The following SNX33 variants were observed in gnomAD, a reference collection of about 807,000 sequenced individuals.
The protein encoded by SNX33 is sorting nexin-33.
In SNX33, 19 loss-of-function variants were observed where a neutral mutation model predicts 38.8. The observed-to-expected ratio is 0.49, with a 90% CI of 0.34 to 0.72. The LOEUF is 0.72. SNX33 is among the 30% of genes least tolerant of loss of function. The probability of loss-of-function intolerance (pLI) is 0.01; values close to 1 mark genes in which losing one functional copy is unlikely to be tolerated. For missense variants in SNX33, 641 were observed against 776.4 expected (o/e 0.83, Z 2.07); for synonymous variants, 246 against 289.7 (o/e 0.85, Z 1.53).
intron 1 of SNX33, among the ~76,000 whole-genome samples, chr15:75,652,213 GGGAA>G (rs1426758784): frequency 1.3e-5 from 2 of 152,302 alleles, no homozygotes; most frequent in East Asian, 3.9e-4. Flanking sequence ...GGGAGTGGGT[GGGAA>G]GGGACTCCTG....
intron 1 of SNX33, among the ~76,000 whole-genome samples, chr15:75,653,918 C>T: frequency 6.6e-6 from 1 of 151,852 alleles, no homozygotes. Context: ...ATAGTGAAAC[C>T]CTGTCTCTAC....
intron 1 of SNX33, among the ~76,000 whole-genome samples, chr15:75,653,073 C>T (rs115844521): frequency 6.6e-6 from 1 of 152,290 alleles, no homozygotes; most frequent in Middle Eastern, 3.4e-3. Context: ...AGAGATTTCT[C>T]CCCTCAGTCT....
chr15:75,650,046 A>C lies in SNX33; in HGVS notation c.944A>C (p.Asp315Ala). 2 of 1,612,028 alleles carry C rather than the reference A, an allele frequency of 1.2e-6. No homozygotes were observed. The highest frequency in any genetic ancestry group is 1.7e-6 in the Non-Finnish European group (2 of 1,179,098). ...KRKRRLILWMDHMTSHPVLSQ... is the reference protein window; with the variant it reads ...KRKRRLILWMAHMTSHPVLSQ... The stretch of plus-strand genomic sequence containing the variant: ...AAGCGGAGACTCATCCTCTGGATGG[A>C]CCACATGACCAGCCACCCTGTGCTC... The change falls in exon 1 of 2, where the codon GAC (aspartate) becomes GCC (alanine). Residue 315 changes from aspartate (D) to alanine (A), a missense_variant. Physicochemically the swap from Asp to Ala is moderately radical, Grantham distance 126 (BLOSUM62 -2). Around this residue, in one of 2 missense-constraint regions of SNX33, gnomAD observed 398 missense variants for 542.5 expected, o/e 0.73. Transcript: ENST00000308527. This position sits in a 1 kb window ranked among gnomAD's most constrained non-coding sequence, Gnocchi z 6.1.
intron 1 of SNX33, among the ~76,000 whole-genome samples, chr15:75,656,641 A>G (rs963050594): frequency 3.9e-5 from 6 of 152,158 alleles, no homozygotes; most frequent in Non-Finnish European, 8.8e-5. Flanking sequence ...TGTTCTGGGT[A>G]CCAGAGACAC....
chr15:75,651,931 T>A (rs1893585957), intron 1 of SNX33, among the ~76,000 whole-genome samples: 1 of 151,924 alleles, frequency 6.6e-6, no homozygotes, highest in Non-Finnish European at 1.5e-5. Flanking sequence ...TACCAAGAGG[T>A]TGACTTCTAT....
In SNX33 at chr15:75,648,715, G is replaced by T; in HGVS notation, c.-388G>T. The T allele has an allele frequency of 4.4e-6, 1 of 228,888 alleles. No homozygotes were observed. The highest frequency in any genetic ancestry group is 7.4e-6 in the Non-Finnish European group (1 of 135,508). 14.2% of individuals were successfully genotyped at this position (228,888 alleles called of 1,614,324 possible). ...TGAGTCTCTTCTATTTTAGAACGTT[G>T]TTCCAGTGGAAAGTGTCGAATTTTT... On this transcript the variant is annotated 5_prime_UTR_variant, in exon 1 of 2. Transcript: ENST00000308527. This position sits in a 1 kb window ranked among gnomAD's most constrained non-coding sequence, Gnocchi z 4.4.
In SNX33 at chr15:75,658,518, T is replaced by TG. The variant is rs1473766094; in HGVS notation, c.*1307dup. ...CAGGGTGTGGTCCAGCAGCTTGCTG[T>TG]GGGGTGCTGACATGTGTCACCACTG... On this transcript the variant is annotated 3_prime_UTR_variant, in exon 2 of 2. Transcript: ENST00000308527. This position sits in a 1 kb window ranked among gnomAD's most constrained non-coding sequence, Gnocchi z 4.1. 6.6e-6 allele frequency: 1 copy of TG among 152,662 alleles called. No individual in the cohort carries two copies. The highest frequency in any genetic ancestry group is 2.4e-5 in the African/African-American group (1 of 41,440). The allele number at this position is 152,662 out of a possible 1,614,324, so 9.5% of individuals were successfully genotyped here. A position where few individuals can be genotyped will look rare whatever the true frequency, so the allele number is the denominator to read the frequency against.
chr15:75,657,140 G>A lies in SNX33; in HGVS notation c.1650G>A (p.Leu550=), dbSNP rs1330461695. Residue 550 remains leucine (L), a synonymous_variant, in exon 2 of 2, where the codon TTG becomes TTA. Transcript: ENST00000308527. This position sits in a 1 kb window ranked among gnomAD's most constrained non-coding sequence, Gnocchi z 5.5. ...LDFKHMMQNY[L]RQQILFYQRV... is the part of the protein sequence containing the mutation. ...TCAAGCACATGATGCAGAACTACTT[G>A]CGCCAGCAGATCCTCTTCTACCAGC... 1.2e-6 allele frequency: 2 copies of A among 1,614,176 alleles called. No homozygotes were observed. Among genetic ancestry groups the A allele is most frequent in the Non-Finnish European group, 1.7e-6 (2 of 1,180,018 alleles).
chr15:75,654,097 TAAA>T (rs77714603), intron 1 of SNX33, among the ~76,000 whole-genome samples: 5 of 111,036 alleles, frequency 4.5e-5, no homozygotes, highest in African/African-American at 6.8e-5. Context: ...CATCTCAAAT[TAAA>T]AAAAAAAAAA....
In SNX33 at chr15:75,647,971, G is replaced by T. The variant is rs1893517764; in HGVS notation, c.-1132G>T. On this transcript the variant is annotated 5_prime_UTR_variant, in exon 1 of 2. Coordinates refer to ENST00000308527, the MANE Select transcript of SNX33 (RefSeq NM_153271.2). Reference sequence around the variant, plus strand: ...GAGCGGAGGGTCTGCGAGCGCCGGGGAAGGCAGGCTGGGGGCGCAGCCCGC... The same window carrying T: ...GAGCGGAGGGTCTGCGAGCGCCGGGTAAGGCAGGCTGGGGGCGCAGCCCGC... The T allele has an allele frequency of 1.0e-6, 1 of 985,464 alleles. No individual in the cohort carries two copies. The highest frequency in any genetic ancestry group is 1.2e-6 in the Non-Finnish European group (1 of 829,928). 61.0% of individuals were successfully genotyped at this position (985,464 alleles called of 1,614,324 possible). A position where few individuals can be genotyped will look rare whatever the true frequency, so the allele number is the denominator to read the frequency against.
intron 1 of SNX33, among the ~76,000 whole-genome samples, chr15:75,653,310 C>T (rs1017321339): frequency 3.3e-5 from 5 of 152,156 alleles, no homozygotes; most frequent in Non-Finnish European, 7.3e-5. Context: ...ATATAATTAA[C>T]CAGGGCAGTT....
chr15:75,657,144 C>T lies in SNX33; in HGVS notation c.1654C>T (p.Gln552Ter). 5 of 1,614,176 alleles carry T rather than the reference C, an allele frequency of 3.1e-6. No homozygotes were observed. The highest frequency in any genetic ancestry group is 4.2e-6 in the Non-Finnish European group (5 of 1,180,010). The change falls in exon 2 of 2, where the codon CAG (glutamine) becomes TAG (stop). Residue 552 changes from glutamine (Q) to a stop codon, truncating the protein, a stop_gained. Coordinates refer to ENST00000308527, the MANE Select transcript of SNX33 (RefSeq NM_153271.2). LOFTEE classifies it high-confidence loss of function. This position sits in a 1 kb window ranked among gnomAD's most constrained non-coding sequence, Gnocchi z 5.5. The part of the protein sequence containing the change: ...FKHMMQNYLR[Q>*]QILFYQRVGQ... ...GCACATGATGCAGAACTACTTGCGCCAGCAGATCCTCTTCTACCAGCGGGT... is the reference window on the plus strand; with the variant it reads ...GCACATGATGCAGAACTACTTGCGCTAGCAGATCCTCTTCTACCAGCGGGT...
rs372590049 is a variant in SNX33 at position 75,650,859 on chromosome 15, A to AAAACAAAC, written c.1471+310_1471+317dup. 5.9e-5 allele frequency among the ~76,000 whole-genome samples: 9 copies of AAAACAAAC among 152,172 alleles called. No homozygotes were observed. The highest frequency in any genetic ancestry group is 7.2e-5 in the African/African-American group (3 of 41,468). ...GGTGACAGAGTGAGACCCTGTCTCT[A>AAAACAAAC]AAACAAACAAACAAACAAACAAACA... On this transcript the variant is annotated intron_variant, in intron 1 of 1. Coordinates refer to ENST00000308527, the MANE Select transcript of SNX33 (RefSeq NM_153271.2). The surrounding 1 kb of genome is among the most constrained non-coding windows in gnomAD (Gnocchi z 6.1).
Position 75,657,290 on chromosome 15 carries a change from A to C in SNX33, c.*75A>C. 1 of 1,577,582 alleles carries C rather than the reference A, an allele frequency of 6.3e-7. No homozygotes were observed. The highest frequency in any genetic ancestry group is 8.6e-7 in the Non-Finnish European group (1 of 1,158,518). On this transcript the variant is annotated 3_prime_UTR_variant, in exon 2 of 2. Coordinates refer to ENST00000308527, the MANE Select transcript of SNX33 (RefSeq NM_153271.2). This position sits in a 1 kb window ranked among gnomAD's most constrained non-coding sequence, Gnocchi z 5.5. ...TACCCCACTTTCCCGACCTCCCTATACCAGCAGTGACTGGGGGAGGGGTCA... is the reference window on the plus strand; with the variant it reads ...TACCCCACTTTCCCGACCTCCCTATCCCAGCAGTGACTGGGGGAGGGGTCA...
chr15:75,657,252 G>C lies in SNX33; in HGVS notation c.*37G>C, dbSNP rs774429261. 3.1e-6 allele frequency: 5 copies of C among 1,611,210 alleles called. No homozygotes were observed. In the South Asian group the frequency reaches 4.4e-5, roughly 14 times the overall value. ...TGGGCCCCCTCCTTCCCCTGGGCCT[G>C]GTCACTGCAGTGTACCCCACTTTCC... is the stretch of plus-strand genomic sequence containing the variant. On this transcript the variant is annotated 3_prime_UTR_variant, in exon 2 of 2. Transcript: ENST00000308527. This position sits in a 1 kb window ranked among gnomAD's most constrained non-coding sequence, Gnocchi z 5.5.
chr15:75,648,491 G>T lies in SNX33; in HGVS notation c.-612G>T. The T allele has an allele frequency of 1.0e-6, 1 of 985,492 alleles. No individual in the cohort carries two copies. The allele number at this position is 985,492 out of a possible 1,614,324, so 61.0% of individuals were successfully genotyped here. A position where few individuals can be genotyped will look rare whatever the true frequency, so the allele number is the denominator to read the frequency against. Reference sequence around the variant, plus strand: ...TCCACCCTTGGACTCGATTCAGGCGGCTGCTGCTTTTCTCCTTGCCCCTCT... The same window carrying T: ...TCCACCCTTGGACTCGATTCAGGCGTCTGCTGCTTTTCTCCTTGCCCCTCT... On this transcript the variant is annotated 5_prime_UTR_variant, in exon 1 of 2. Coordinates refer to ENST00000308527, the MANE Select transcript of SNX33 (RefSeq NM_153271.2). The surrounding 1 kb of genome is among the most constrained non-coding windows in gnomAD (Gnocchi z 4.4).
rs763640094 is a variant in SNX33 at position 75,649,366 on chromosome 15, C to G, written c.264C>G (p.Pro88=). Residue 88 remains proline (P), a synonymous_variant, in exon 1 of 2, where the codon CCC becomes CCG. Transcript: ENST00000308527. This position sits in a 1 kb window ranked among gnomAD's most constrained non-coding sequence, Gnocchi z 6.6. The part of the protein sequence containing the change: ...PGAQVSLYNS[P]SVASPARSGG... Reference sequence around the variant, plus strand: ...CCCAGGTGAGCTTGTACAACAGCCCCAGTGTGGCCAGCCCAGCTAGGAGTG... The same window carrying G: ...CCCAGGTGAGCTTGTACAACAGCCCGAGTGTGGCCAGCCCAGCTAGGAGTG... 3 of 1,559,518 alleles carry G rather than the reference C, an allele frequency of 1.9e-6. No individual in the cohort carries two copies. The highest frequency in any genetic ancestry group is 2.6e-6 in the Non-Finnish European group (3 of 1,150,176).
Position 75,647,955 on chromosome 15 carries a change from G to T in SNX33, c.-1148G>T, listed in dbSNP as rs2141395270. Reference sequence around the variant, plus strand: ...TGCCTTCTCGCTGGCGGAGCGGAGGGTCTGCGAGCGCCGGGGAAGGCAGGC... The same window carrying T: ...TGCCTTCTCGCTGGCGGAGCGGAGGTTCTGCGAGCGCCGGGGAAGGCAGGC... On this transcript the variant is annotated 5_prime_UTR_variant, in exon 1 of 2. Transcript: ENST00000308527. The T allele has an allele frequency of 1.0e-6, 1 of 985,430 alleles. No individual in the cohort carries two copies. Among genetic ancestry groups the T allele is most frequent in the Non-Finnish European group, 1.2e-6 (1 of 829,928 alleles). The allele number at this position is 985,430 out of a possible 1,614,324, so 61.0% of individuals were successfully genotyped here.
rs1893660031 is a variant in SNX33, at chr15:75,656,980, A to C, written c.1490A>C (p.Lys497Thr). The C allele has an allele frequency of 6.2e-7, 1 of 1,613,242 alleles. No individual in the cohort carries two copies. Among genetic ancestry groups the C allele is most frequent in the Admixed American group, 1.7e-5 (1 of 59,948 alleles). The part of the protein sequence containing the change: ...HLQKGAFAKV[K>T]ESQRMSDEGR... ...ATGCCAGGCGCCTTCGCCAAGGTGAAGGAGAGCCAACGCATGAGTGACGAG... is the reference window on the plus strand; with the variant it reads ...ATGCCAGGCGCCTTCGCCAAGGTGACGGAGAGCCAACGCATGAGTGACGAG... Residue 497 changes from lysine to threonine, a missense_variant, in exon 2 of 2, where the codon AAG becomes ACG. Around this residue, in one of 2 missense-constraint regions of SNX33, gnomAD observed 398 missense variants for 542.5 expected, o/e 0.73. Transcript: ENST00000308527.
Sources: allele counts gnomAD v4.1 joint callset (sites outside exome capture counted in the v4.1 genomes callset), GRCh38; gene constraint gnomAD v4.1.1; regional missense constraint gnomAD v4.1.1; non-coding constraint Gnocchi (gnomAD v3.1); transcripts MANE v1.5; gene names NCBI Gene and HGNC (gene_info 2026-07-23, HGNC 2026-07-21).